DNAH1: variants seen among roughly 807,000 people sequenced by gnomAD.
DNAH1 encodes dynein axonemal heavy chain 1, also known as axonemal beta dynein heavy chain 1.
In DNAH1, 327 loss-of-function variants were observed where a neutral mutation model predicts 484.3. The observed-to-expected ratio is 0.68, with a 90% CI of 0.62 to 0.74. DNAH1 has a LOEUF of 0.74. DNAH1 is among the 30% of genes least tolerant of loss of function. DNAH1 has a pLI of 0.00. For synonymous variants in DNAH1, 2,192 were observed against 2,191.9 expected, an observed-to-expected ratio of 1.00 and a Z score of 0.00; for missense variants, 5,052 against 5,546.8, an observed-to-expected ratio of 0.91 and a Z score of 2.83.
In DNAH1 at chr3:52,353,392, T is replaced by C. The variant is rs1157485838; in HGVS notation, c.3239T>C (p.Val1080Ala). 2.5e-6 allele frequency: 4 copies of C among 1,609,738 alleles called. No homozygotes were observed. Among genetic ancestry groups the C allele is most frequent in the South Asian group, 2.2e-5 (2 of 90,920 alleles). Residue 1080 changes from valine to alanine, a missense_variant, in exon 20 of 78, where the codon GTG becomes GCG. Around this residue, in one of 4 missense-constraint regions of DNAH1, gnomAD observed 2,929 missense variants for 3,409.4 expected, o/e 0.86. Transcript: ENST00000420323. This position sits in a 1 kb window ranked among gnomAD's most constrained non-coding sequence, Gnocchi z 5.0. ...TCTTACCCGGCAGCCTGCCAGGAAG[T>C]GGCCTTGGACATCCGGGCCCGCATC... ...QFKDMPACQE[V>A]ALDIRARIEE...
intron 3 of DNAH1, 83 bp from the exon 4 acceptor site, chr3:52,326,057 T>G: frequency 1.5e-6 from 2 of 1,308,694 alleles, no homozygotes; most frequent in Non-Finnish European, 1.0e-6. Flanking sequence ...ACTACCTGGT[T>G]GGTAATTTAT....
At chr3:52,397,128 G>GGGCTGCATCTCCTCCCACCC in intron 73 of DNAH1, 84 bp downstream of exon 73, 3 of 1,281,654 alleles carry the variant, frequency 2.3e-6, no homozygotes, top group South Asian at 1.5e-5. Flanking sequence ...TGCTGGGTGG[G>GGGCTGCATCTCCTCCCACCC]AGGAGATGCA....
intron 16 of DNAH1, among the ~76,000 whole-genome samples, chr3:52,351,523 C>A (rs550624640): frequency 7.2e-4 from 110 of 152,308 alleles, no homozygotes; most frequent in African/African-American, 2.5e-3. Context: ...CCACAGACCC[C>A]CTATGTCAGC....
At position 52,370,808 on chromosome 3, in the gene DNAH1, G is replaced by A. The variant is rs1260978788; in HGVS notation, c.6508G>A (p.Glu2170Lys). ...ISGTNDSEDE[E>K]EEYKQVAWVK... ...TGGCACCAACGACAGTGAGGATGAA[G>A]AGGAGGAATACAAGCAGGTGGCCGC... Residue 2170 changes from glutamate (E) to lysine (K), a missense_variant, in exon 41 of 78, where the codon GAG becomes AAG. Transcript: ENST00000420323. 6.2e-7 allele frequency: 1 copy of A among 1,603,436 alleles called. No homozygotes were observed. The highest frequency in any genetic ancestry group is 8.5e-7 in the Non-Finnish European group (1 of 1,175,400).
At chr3:52,373,774 C>CT (rs1433854452) in intron 44 of DNAH1, 4 of 1,420,656 alleles carry the variant, frequency 2.8e-6, no homozygotes, top group Admixed American at 1.7e-5. Context: ...AAACGAGCTG[C>CT]TTTAAGTGAA....
At chr3:52,331,778 C>A (rs911962282) in intron 7 of DNAH1, among the ~76,000 whole-genome samples, 2 of 152,014 alleles carry the variant, frequency 1.3e-5, no homozygotes, top group Admixed American at 1.3e-4. Context: ...GTGCCCACGA[C>A]CACACCCAGC....
Position 52,361,796 on chromosome 3 carries a change from C to T in DNAH1, c.4980+30C>T. ...GCCCGGGGGACCCACCTTACTCCCT[C>T]AGATCTGCCATACTCACGCCGCCAT... On this transcript the variant is annotated intron_variant, in intron 30 of 77. Transcript: ENST00000420323. The surrounding 1 kb of genome is among the most constrained non-coding windows in gnomAD (Gnocchi z 5.6). 1 of 1,569,416 alleles carries T rather than the reference C, an allele frequency of 6.4e-7. No individual in the cohort carries two copies. The highest frequency in any genetic ancestry group is 2.4e-5 in the East Asian group (1 of 42,376).
rs757477807 is a variant in DNAH1, at chr3:52,322,582, A to G, written c.140A>G (p.Tyr47Cys). ...GGGAAGATTCTTCCAGGATCAGACT[A>G]TGGGTTGGGAAATCCTCCAGCCCTT... ...NPGKILPGSDYGLGNPPALDP... is the reference protein window; with the variant it reads ...NPGKILPGSDCGLGNPPALDP... The change falls in exon 2 of 78, where the codon TAT becomes TGT. Residue 47 changes from tyrosine (Y) to cysteine (C), a missense_variant. Around this residue, in one of 4 missense-constraint regions of DNAH1, gnomAD observed 1,263 missense variants for 1,218.8 expected, o/e 1.04. Coordinates refer to ENST00000420323, the MANE Select transcript of DNAH1 (RefSeq NM_015512.5). 2.7e-5 allele frequency: 43 copies of G among 1,613,738 alleles called. No individual in the cohort carries two copies. In the East Asian group the frequency reaches 9.1e-4, roughly 34 times the overall value.
chr3:52,310,977 C>T, the DNAH1 span, among the ~76,000 whole-genome samples: 1 of 152,204 alleles, frequency 6.6e-6, no homozygotes, highest in Non-Finnish European at 1.5e-5. Flanking sequence ...TGGTGTTGTG[C>T]AGGGCAGGCC....
intron 2 of DNAH1, 80 bp downstream of exon 2, chr3:52,322,855 ATCAG>A (rs1701199789): frequency 1.6e-6 from 2 of 1,223,334 alleles, no homozygotes; most frequent in Non-Finnish European, 2.3e-6. Context: ...CCTTCTCCCC[ATCAG>A]TCAGTCCATC....
chr3:52,363,190 C>T (rs777490027), intron 32 of DNAH1, 46 bp downstream of exon 32: 12 of 1,602,464 alleles, frequency 7.5e-6, no homozygotes, highest in Non-Finnish European at 1.0e-5. Flanking sequence ...AAACTTCTGC[C>T]TGCTCCCAGC....
intron 44 of DNAH1, 142 bp from the exon 45 acceptor site, chr3:52,375,098 T>C (rs1703529520): frequency 9.8e-7 from 1 of 1,024,188 alleles, no homozygotes; most frequent in African/African-American, 1.6e-5. Context: ...AAGAAAAATT[T>C]TCCTGTGTAA....
In DNAH1 at chr3:52,376,083, G is replaced by A. The variant is rs117056392; in HGVS notation, c.7198+90G>A. On this transcript the variant is annotated intron_variant, in intron 46 of 77. Transcript: ENST00000420323. The stretch of plus-strand genomic sequence containing the variant: ...TGTGTTGAGGCTGCGACCAGGCGCC[G>A]TGGTGAACCATCCTCAGGTTCATGC... The A allele has an allele frequency of 3.5e-4, 527 of 1,508,036 alleles. 5 individuals are homozygous for A. The East Asian group carries it at 9.2e-3, about 26-fold the overall frequency. The allele number at this position is 1,508,036 out of a possible 1,614,324, so 93.4% of individuals were successfully genotyped here. A position where few individuals can be genotyped will look rare whatever the true frequency, so the allele number is the denominator to read the frequency against.
intron 44 of DNAH1, chr3:52,374,336 C>CT: frequency 6.6e-7 from 1 of 1,517,032 alleles, no homozygotes; most frequent in East Asian, 2.3e-5. Flanking sequence ...AGTGAAATCT[C>CT]TTGAGTGTCT....
chr3:52,312,690 TCGCCCAGG>T (rs1420244805), upstream of DNAH1, among the ~76,000 whole-genome samples: 4 of 152,034 alleles, frequency 2.6e-5, no homozygotes, highest in African/African-American at 9.7e-5. Context: ...TCTTGTTCTG[TCGCCCAGG>T]CTGGAGTGCA....
intron 44 of DNAH1, chr3:52,374,537 C>T: frequency 1.3e-6 from 2 of 1,496,026 alleles, no homozygotes; most frequent in Non-Finnish European, 1.9e-6. Context: ...CCATGGAGCC[C>T]CTCTTCCGGC....
At chr3:52,389,297 T>G (rs1704261139) in intron 59 of DNAH1, among the ~76,000 whole-genome samples, 164 bp from the exon 60 acceptor site, 4 of 151,894 alleles carry the variant, frequency 2.6e-5, no homozygotes, top group Admixed American at 2.0e-4. Context: ...GGGCTGAGGT[T>G]TGTGGAGGCC....
At chr3:52,373,247 C>T (rs550389574) in intron 44 of DNAH1, among the ~76,000 whole-genome samples, 194 bp downstream of exon 44, 3 of 151,948 alleles carry the variant, frequency 2.0e-5, no homozygotes, top group Non-Finnish European at 4.4e-5. Flanking sequence ...CTGCCGCAGC[C>T]TCTGGAAGCC....
chr3:52,324,965 G>A (rs565315069), intron 3 of DNAH1, among the ~76,000 whole-genome samples: 1 of 152,252 alleles, frequency 6.6e-6, no homozygotes, highest in South Asian at 2.1e-4. Flanking sequence ...ACGCAGCAGG[G>A]TCTGGAGGCC....
Sources: gnomAD v4.1 joint callset for allele counts (sites outside exome capture counted in the v4.1 genomes callset) on GRCh38, gnomAD v4.1.1 for gene constraint, gnomAD v4.1.1 regional missense constraint, Gnocchi (gnomAD v3.1) non-coding constraint, MANE v1.5 for transcripts, NCBI Gene and HGNC (gene_info 2026-07-23, HGNC 2026-07-21) for gene names.